Variants in HK1 observed in about 807,000 individuals in gnomAD.
The protein encoded by HK1 is hexokinase-1.
HK1 carries 28 observed loss-of-function variants against 91.6 expected under a neutral mutation model. The ratio of observed to expected loss-of-function variants is 0.31; its 90% CI spans 0.23 to 0.42. The LOEUF is 0.42. Ranked by LOEUF, HK1 falls within the 10% of genes least tolerant of loss-of-function variation. The pLI is 1.00. For missense variants in HK1, 770 were observed against 1,219.8 expected, an observed-to-expected ratio of 0.63 and a Z score of 5.49; for synonymous variants, 430 against 468.1, an observed-to-expected ratio of 0.92 and a Z score of 1.05.
chr10:69,400,935 A>G, intron 17 of HK1, 56 bp from the exon 18 acceptor site: 1 of 1,597,982 alleles, frequency 6.3e-7, no homozygotes, highest in Non-Finnish European at 8.6e-7. Context: ...GTTTTCGGGT[A>G]GGCCCAGCGT....
chr10:69,321,000 C>T (rs1211576499), intron 1 of HK1, among the ~76,000 whole-genome samples: 1 of 152,150 alleles, frequency 6.6e-6, no homozygotes, highest in Non-Finnish European at 1.5e-5. Context: ...TTCTGATGTT[C>T]TTCCCTTCTC....
chr10:69,384,377 C>T lies in HK1; in HGVS notation c.1615C>T (p.Arg539Cys), dbSNP rs200042335. 1.2e-6 allele frequency: 2 copies of T among 1,614,224 alleles called. No individual in the cohort carries two copies. Among genetic ancestry groups the T allele is most frequent in the African/African-American group, 1.3e-5 (1 of 75,046 alleles). Residue 539 changes from arginine (R) to cysteine (C), a missense_variant, in exon 11 of 18, where the codon CGT becomes TGT. Physicochemically the swap from Arg to Cys is radical, Grantham distance 180. Around this residue, in one of 7 missense-constraint regions of HK1, gnomAD observed 48 missense variants for 128.2 expected, o/e 0.37. Coordinates refer to ENST00000359426, the MANE Select transcript of HK1 (RefSeq NM_000188.3). ...LALDLGGTNFRVLLVKIRSGK... is the reference protein window; with the variant it reads ...LALDLGGTNFCVLLVKIRSGK... ...CCTGGATCTTGGAGGAACCAATTTC[C>T]GTGTGCTGCTGGTGAAAATCCGTAG...
At chr10:69,398,103 C>T (rs576118728) in intron 16 of HK1, among the ~76,000 whole-genome samples, 1 of 152,134 alleles carries the variant, frequency 6.6e-6, no homozygotes. Context: ...TATAAACAAA[C>T]CTTATCAAAA....
intron 1 of HK1, among the ~76,000 whole-genome samples, chr10:69,339,462 T>A (rs1848185117): frequency 6.6e-6 from 1 of 152,200 alleles, no homozygotes; most frequent in Admixed American, 6.5e-5. Context: ...GCCCCAGTAT[T>A]CATGTCTCTT....
chr10:69,377,435 G>A (rs564886783), intron 8 of HK1, among the ~76,000 whole-genome samples: 17 of 151,638 alleles, frequency 1.1e-4, no homozygotes, highest in African/African-American at 3.6e-4. Flanking sequence ...TTCGAGCAAG[G>A]AGCAAGGAGC....
In HK1 at chr10:69,382,468, T is replaced by G. The variant is rs371355856; in HGVS notation, c.1266-19T>G. The G allele has an allele frequency of 1.2e-5, 19 of 1,613,566 alleles. No homozygotes were observed. Among genetic ancestry groups the G allele is most frequent in the Non-Finnish European group, 1.6e-5 (19 of 1,179,654 alleles). On this transcript the variant is annotated intron_variant, in intron 9 of 17. Coordinates refer to ENST00000359426, the MANE Select transcript of HK1 (RefSeq NM_000188.3). ...TGCTCAGTCCAGCTGTTGTGGAATG[T>G]CCCCCCTGCCCCCATAAGGTATTCC...
chr10:69,323,696 T>A (rs1352237007), intron 1 of HK1, among the ~76,000 whole-genome samples: 1 of 152,218 alleles, frequency 6.6e-6, no homozygotes, highest in Non-Finnish European at 1.5e-5. Context: ...CCCATCACTT[T>A]ATCTGGTTGG....
chr10:69,318,897 C>A lies in HK1; in HGVS notation c.-51C>A. 6.5e-7 allele frequency: 1 copy of A among 1,550,190 alleles called. No individual in the cohort carries two copies. Among genetic ancestry groups the A allele is most frequent in the East Asian group, 2.5e-5 (1 of 40,440 alleles). On this transcript the variant is annotated 5_prime_UTR_variant, in exon 1 of 18. Coordinates refer to ENST00000359426, the MANE Select transcript of HK1 (RefSeq NM_000188.3). ...GGAGGACCACGGCTCGCCAGGGCTG[C>A]GGAGGACCGACCGTCCCCACGCCTG...
chr10:69,363,058 C>T (rs1849517406), intron 3 of HK1, among the ~76,000 whole-genome samples: 1 of 152,212 alleles, frequency 6.6e-6, no homozygotes, highest in African/African-American at 2.4e-5. Flanking sequence ...TGAGGCCCTG[C>T]AAGTAAAGCC....
chr10:69,301,091 C>T (rs932677048), intron 5 of HK1, among the ~76,000 whole-genome samples: 2 of 151,494 alleles, frequency 1.3e-5, no homozygotes, highest in Admixed American at 6.6e-5. Flanking sequence ...ACTAAAAATA[C>T]AAAAATTAGC....
At chr10:69,300,876 C>G in intron 5 of HK1, 1 of 1,328,504 alleles carries the variant, frequency 7.5e-7, no homozygotes, top group Non-Finnish European at 1.1e-6. Context: ...GTAGAAAATC[C>G]TGGAATACCC....
chr10:69,333,035 G>A (rs1015135754), intron 1 of HK1, among the ~76,000 whole-genome samples: 1 of 152,184 alleles, frequency 6.6e-6, no homozygotes, highest in Non-Finnish European at 1.5e-5. Flanking sequence ...CTGCTGAAAT[G>A]CCATGTTCTG....
Position 69,359,941 on chromosome 10 carries a change from C to T in HK1, c.271C>T (p.Arg91Ter). 6.2e-7 allele frequency: 1 copy of T among 1,614,068 alleles called. No individual in the cohort carries two copies. Among genetic ancestry groups the T allele is most frequent in the Non-Finnish European group, 8.5e-7 (1 of 1,179,948 alleles). The change falls in exon 3 of 18, where the codon CGA (arginine) becomes TGA (stop). Residue 91 changes from arginine to a stop codon, truncating the protein, a stop_gained. Transcript: ENST00000359426. LOFTEE classifies it high-confidence loss of function. Reference sequence around the variant, plus strand: ...CCTGGATCTTGGTGGGTCTTCCTTTCGAATTCTGCGGGTGCAAGTGAATCA... The same window carrying T: ...CCTGGATCTTGGTGGGTCTTCCTTTTGAATTCTGCGGGTGCAAGTGAATCA... ...IALDLGGSSFRILRVQVNHEK... is the reference protein window; with the variant it reads ...IALDLGGSSF
chr10:69,382,863 G>T, intron 10 of HK1, 72 bp downstream of exon 10: 1 of 1,497,450 alleles, frequency 6.7e-7, no homozygotes, highest in South Asian at 1.2e-5. Context: ...GGGGAGGTTG[G>T]ATTCGCCAGT....
At chr10:69,288,754 T>C in exon 3 of HK1, 2 of 1,613,886 alleles carry the variant, frequency 1.2e-6, no homozygotes, top group Non-Finnish European at 1.7e-6. Context: ...ATGGGGCAGA[T>C]CTGCCAGCGA....
At chr10:69,340,777 C>T (rs533369584) in intron 1 of HK1, among the ~76,000 whole-genome samples, 63 of 152,302 alleles carry the variant, frequency 4.1e-4, no homozygotes, top group African/African-American at 1.4e-3. Context: ...TGGTTGTAAT[C>T]AGTAAAGCCG....
intron 11 of HK1, 62 bp downstream of exon 11, chr10:69,384,543 C>T (rs1268742135): frequency 1.9e-5 from 31 of 1,604,050 alleles, no homozygotes; most frequent in East Asian, 2.2e-5. Context: ...CCGGCAGTCA[C>T]GTGATGACCA....
At chr10:69,339,616 A>G (rs76873642) in intron 1 of HK1, among the ~76,000 whole-genome samples, 2,245 of 152,308 alleles carry the variant, frequency 0.015, 58 homozygotes, top group African/African-American at 0.051. Flanking sequence ...ATTTGGATTT[A>G]GCTTGGTTGT....
At chr10:69,375,431 A>G (rs557131918) in intron 7 of HK1, among the ~76,000 whole-genome samples, 16 of 152,246 alleles carry the variant, frequency 1.1e-4, no homozygotes, top group Admixed American at 5.2e-4. Context: ...TTCCCACAGG[A>G]GCCTGGGGTG....
Sources: allele counts gnomAD v4.1 joint callset (sites outside exome capture counted in the v4.1 genomes callset), GRCh38; gene constraint gnomAD v4.1.1; regional missense constraint gnomAD v4.1.1; transcripts MANE v1.5; gene names NCBI Gene and HGNC (gene_info 2026-07-23, HGNC 2026-07-21).